Variants in OPCML observed in about 807,000 individuals in gnomAD.
OPCML encodes opioid-binding protein/cell adhesion molecule.
OPCML carries 13 observed loss-of-function variants against 37.8 expected under a neutral mutation model. The ratio of observed to expected loss-of-function variants is 0.34; its 90% CI spans 0.22 to 0.55. OPCML has a LOEUF of 0.55. OPCML is among the 20% of genes least tolerant of loss of function. The pLI is 0.91. For synonymous variants in OPCML, 176 were observed against 168.8 expected (o/e 1.04, Z -0.33); for missense variants, 341 against 435.6 (o/e 0.78, Z 1.93).
intron 7 of OPCML, among the ~76,000 whole-genome samples, chr11:132,434,230 G>T (rs1414537464): frequency 1.3e-5 from 2 of 152,198 alleles, no homozygotes; most frequent in African/African-American, 4.8e-5. Flanking sequence ...CTATACATCT[G>T]TGAGTGTCTT....
chr11:132,947,236 G>A (rs1490757550), intron 1 of OPCML, among the ~76,000 whole-genome samples: 2 of 152,240 alleles, frequency 1.3e-5, no homozygotes, highest in African/African-American at 4.8e-5. Context: ...GTTCCCGATA[G>A]GAAAAGAATG....
intron 1 of OPCML, among the ~76,000 whole-genome samples, chr11:133,179,355 G>T (rs113236930): frequency 1.3e-5 from 2 of 152,154 alleles, no homozygotes; most frequent in Admixed American, 6.5e-5. Context: ...CATTTCAGGG[G>T]ATAGGCAGGT....
chr11:132,454,543 C>G lies in OPCML; in HGVS notation c.506-17184G>C, dbSNP rs565255377. ...CACTGCCTCTTCCACACACTGCTCA[C>G]TGCGACAGCCTCGCAGAGGGCTCCC... On this transcript the variant is annotated intron_variant, in intron 4 of 7. Transcript: ENST00000524381. Among the ~76,000 whole-genome samples the G allele has an allele frequency of 9.2e-5, 14 of 152,318 alleles. No individual in the cohort carries two copies. The South Asian group carries it at 2.3e-3, about 25-fold the overall frequency.
intron 3 of OPCML, among the ~76,000 whole-genome samples, chr11:132,589,031 G>A (rs1053396221): frequency 2.0e-5 from 3 of 152,112 alleles, no homozygotes; most frequent in Admixed American, 1.3e-4. Context: ...GCACGATATA[G>A]CCTATCTTGG....
At position 132,532,433 on chromosome 11, in the gene OPCML, G is replaced by A. The variant is rs557922220; in HGVS notation, c.380-3247C>T. On this transcript the variant is annotated intron_variant, in intron 3 of 7. Coordinates refer to ENST00000524381, the MANE Select transcript of OPCML (RefSeq NM_001012393.5). Reference sequence around the variant, plus strand: ...GAAACTAACATTAATATGCAACTTTGTTGTTTTCAAATTGCTTGTTTATGG... The same window carrying A: ...GAAACTAACATTAATATGCAACTTTATTGTTTTCAAATTGCTTGTTTATGG... Among the ~76,000 whole-genome samples, 152 of 152,234 alleles carry A rather than the reference G, an allele frequency of 1.0e-3. 3 individuals are homozygous for A. In the South Asian group the frequency reaches 0.031, roughly 31 times the overall value.
chr11:132,978,828 C>A (rs536036781), intron 1 of OPCML, among the ~76,000 whole-genome samples: 25 of 152,122 alleles, frequency 1.6e-4, no homozygotes, highest in Admixed American at 2.6e-4. Flanking sequence ...CAGACATACA[C>A]ACACGTATAC....
At chr11:133,278,740 T>C (rs774261194) in intron 1 of OPCML, among the ~76,000 whole-genome samples, 7 of 150,652 alleles carry the variant, frequency 4.6e-5, no homozygotes, top group Non-Finnish European at 8.8e-5. Context: ...ATTTGTTTGA[T>C]TAAAAAAAAA....
chr11:133,345,897 A>G (rs545944583), intron 1 of OPCML, among the ~76,000 whole-genome samples: 5 of 152,300 alleles, frequency 3.3e-5, no homozygotes, highest in African/African-American at 1.2e-4. Context: ...GGCTGCAATG[A>G]ACACAGGCAC....
chr11:133,213,016 A>G (rs1939429160), intron 1 of OPCML, among the ~76,000 whole-genome samples: 1 of 152,170 alleles, frequency 6.6e-6, no homozygotes, highest in African/African-American at 2.4e-5. Context: ...AACATGGGAA[A>G]TTGAAAGTGT....
chr11:133,277,133 C>T (rs1942016956), intron 1 of OPCML, among the ~76,000 whole-genome samples: 1 of 152,188 alleles, frequency 6.6e-6, no homozygotes, highest in South Asian at 2.1e-4. Context: ...CGAAGACTTA[C>T]TCATCCCAGA....
At chr11:132,595,269 TA>T (rs2096490723) in intron 3 of OPCML, among the ~76,000 whole-genome samples, 1 of 152,010 alleles carries the variant, frequency 6.6e-6, no homozygotes, top group Non-Finnish European at 1.5e-5. Flanking sequence ...TTTTAAAAAG[TA>T]AATTAAAAAA....
chr11:132,611,656 T>C (rs1258717580), intron 3 of OPCML, among the ~76,000 whole-genome samples: 11 of 152,176 alleles, frequency 7.2e-5, no homozygotes, highest in Admixed American at 7.2e-4. Flanking sequence ...CCTCAAATTA[T>C]TTATATTATA....
intron 1 of OPCML, among the ~76,000 whole-genome samples, chr11:132,946,060 G>A (rs1258162487): frequency 6.6e-6 from 1 of 152,198 alleles, no homozygotes; most frequent in African/African-American, 2.4e-5. Flanking sequence ...GGGATTACAG[G>A]TGTGAGCCAC....
chr11:132,985,816 G>T (rs532465792), intron 1 of OPCML, among the ~76,000 whole-genome samples: 1 of 152,162 alleles, frequency 6.6e-6, no homozygotes, highest in South Asian at 2.1e-4. Flanking sequence ...CTCCTAATAG[G>T]CCTATTCTTC....
chr11:133,030,809 C>T (rs1174228918), intron 1 of OPCML, among the ~76,000 whole-genome samples: 6 of 151,998 alleles, frequency 3.9e-5, no homozygotes, highest in African/African-American at 1.4e-4. Context: ...CCATTTTTTT[C>T]CTTAATGAAT....
At chr11:133,162,240 C>T (rs1950153250) in intron 1 of OPCML, among the ~76,000 whole-genome samples, 1 of 152,160 alleles carries the variant, frequency 6.6e-6, no homozygotes, top group South Asian at 2.1e-4. Context: ...GGTGTGATGG[C>T]CTCACAGGCC....
At chr11:133,248,969 C>G (rs1941040807) in intron 1 of OPCML, among the ~76,000 whole-genome samples, 1 of 152,144 alleles carries the variant, frequency 6.6e-6, no homozygotes, top group South Asian at 2.1e-4. Flanking sequence ...ATGTGTCTTG[C>G]AAACATGTCA....
At chr11:133,501,116 A>G (rs1298633075) in intron 1 of OPCML, among the ~76,000 whole-genome samples, 1 of 152,178 alleles carries the variant, frequency 6.6e-6, no homozygotes, top group African/African-American at 2.4e-5. Context: ...CCCACCACCC[A>G]CACTGTGCAG....
intron 2 of OPCML, among the ~76,000 whole-genome samples, chr11:132,716,666 T>C (rs932873865): frequency 3.3e-5 from 5 of 152,210 alleles, no homozygotes; most frequent in Non-Finnish European, 5.9e-5. Flanking sequence ...ACATAGTTTT[T>C]ACAACACAGA....
Sources: gnomAD v4.1 joint callset for allele counts (sites outside exome capture counted in the v4.1 genomes callset) on GRCh38, gnomAD v4.1.1 for gene constraint, MANE v1.5 for transcripts, NCBI Gene and HGNC (gene_info 2026-07-23, HGNC 2026-07-21) for gene names.